Variants in PCSK1 observed in about 807,000 individuals in gnomAD.
PCSK1 encodes the protein neuroendocrine convertase 1.
In PCSK1, 56 loss-of-function variants were observed where a neutral mutation model predicts 90.6. The ratio of observed to expected loss-of-function variants is 0.62; its 90% CI spans 0.50 to 0.77. PCSK1 has a LOEUF of 0.77. PCSK1 is among the 30% of genes least tolerant of loss of function. PCSK1 has a pLI of 0.00. For synonymous variants in PCSK1, 348 were observed against 342.4 expected (o/e 1.02, Z -0.18); for missense variants, 801 against 932.6 (o/e 0.86, Z 1.84).
intron 6 of PCSK1, chr5:96,412,861 C>T (rs1044159381): frequency 1.1e-5 from 8 of 725,256 alleles, no homozygotes; most frequent in South Asian, 8.3e-5. Context: ...AGGAAGTGGC[C>T]GTGATTGTTG....
chr5:96,410,897 G>A lies in PCSK1; in HGVS notation c.972C>T (p.Asp324=), dbSNP rs533603278. Residue 324 remains aspartate (D), a synonymous_variant, in exon 8 of 14, where the codon GAC becomes GAT. Coordinates refer to ENST00000311106, the MANE Select transcript of PCSK1 (RefSeq NM_000439.5). ...GDNCDCDGYT[D]SIYTISISSA... Reference sequence around the variant, plus strand: ...TGCTGATGGAGATGGTGTAGATGCTGTCTGTGTAGCCATCACAGTCACAAT... The same window carrying A: ...TGCTGATGGAGATGGTGTAGATGCTATCTGTGTAGCCATCACAGTCACAAT... 3 of 1,613,940 alleles carry A rather than the reference G, an allele frequency of 1.9e-6. No individual in the cohort carries two copies. Among genetic ancestry groups the A allele is most frequent in the Non-Finnish European group, 2.5e-6 (3 of 1,179,850 alleles).
intron 5 of PCSK1, among the ~76,000 whole-genome samples, chr5:96,419,302 TTAAG>T (rs1367885331): frequency 6.8e-6 from 1 of 146,842 alleles, no homozygotes; most frequent in African/African-American, 2.6e-5. Flanking sequence ...TATATATATA[TTAAG>T]TGAGATATAT....
At chr5:96,413,800 CA>C (rs34702966) in intron 6 of PCSK1, among the ~76,000 whole-genome samples, 26,987 of 105,340 alleles carry the variant, frequency 0.26, 3,382 homozygotes, top group African/African-American at 0.34. Flanking sequence ...GACTCTGTCT[CA>C]AAAAAAAAAA....
At chr5:96,398,364 A>G (rs866545587) in intron 11 of PCSK1, among the ~76,000 whole-genome samples, 17 of 152,300 alleles carry the variant, frequency 1.1e-4, no homozygotes, top group Middle Eastern at 6.8e-3. Flanking sequence ...CCCATCCACT[A>G]TCTTATCTGA....
rs576653933 is a variant in PCSK1 at position 96,433,186 on chromosome 5, C to T, written c.-144G>A. 12 of 785,152 alleles carry T rather than the reference C, an allele frequency of 1.5e-5. No individual in the cohort carries two copies. The highest frequency in any genetic ancestry group is 1.4e-4 in the Admixed American group (7 of 49,834). The allele number at this position is 785,152 out of a possible 1,614,324, so 48.6% of individuals were successfully genotyped here. ...GGTTGCTCTGCGAAGAGCTAGGAGG[C>T]GCGAGAGGAGAGGCTGGGCGGCGGC... On this transcript the variant is annotated 5_prime_UTR_variant, in exon 1 of 14. Transcript: ENST00000311106.
chr5:96,414,997 G>C (rs1159015033), intron 6 of PCSK1, among the ~76,000 whole-genome samples: 1 of 152,120 alleles, frequency 6.6e-6, no homozygotes, highest in Non-Finnish European at 1.5e-5. Context: ...GAGTTTAATG[G>C]GGTTTTATTG....
chr5:96,431,725 G>A (rs1761504501), intron 1 of PCSK1, among the ~76,000 whole-genome samples: 1 of 152,158 alleles, frequency 6.6e-6, no homozygotes, highest in Non-Finnish European at 1.5e-5. Flanking sequence ...GAATTCCCCA[G>A]AGGGTTCGGT....
At chr5:96,401,011 T>C (rs1023661678) in intron 9 of PCSK1, among the ~76,000 whole-genome samples, 3 of 128,770 alleles carry the variant, frequency 2.3e-5, no homozygotes, top group South Asian at 4.9e-4. Context: ...GGCGTGAACC[T>C]GGGAGGCGGA....
chr5:96,426,350 A>G (rs1433138096), intron 2 of PCSK1, among the ~76,000 whole-genome samples: 1 of 152,198 alleles, frequency 6.6e-6, no homozygotes, highest in Non-Finnish European at 1.5e-5. Flanking sequence ...ATGCTTTTAT[A>G]GATTAATTTC....
chr5:96,394,063 G>C (rs1209335067), intron 13 of PCSK1, among the ~76,000 whole-genome samples: 3 of 152,218 alleles, frequency 2.0e-5, no homozygotes, highest in African/African-American at 7.2e-5. Context: ...TAGAATTCAA[G>C]CTGAGGCCTT....
In PCSK1 at chr5:96,431,989, G is replaced by C. The variant is rs952565020; in HGVS notation, c.180+874C>G. ...TAAGCAGTCTCCCACTTAATGTCTT[G>C]ACGCCCACCCACCTCCAACCAGCTA... On this transcript the variant is annotated intron_variant, in intron 1 of 13. Transcript: ENST00000311106. 3.8e-5 allele frequency: 32 copies of C among 842,430 alleles called. No individual in the cohort carries two copies. In the African/African-American group the frequency reaches 4.7e-4, roughly 12 times the overall value. The allele number at this position is 842,430 out of a possible 1,614,324, so 52.2% of individuals were successfully genotyped here. A position where few individuals can be genotyped will look rare whatever the true frequency, so the allele number is the denominator to read the frequency against.
chr5:96,399,917 G>GGGT, intron 10 of PCSK1, 36 bp downstream of exon 10: 1 of 1,468,416 alleles, frequency 6.8e-7, no homozygotes, highest in South Asian at 1.1e-5. Flanking sequence ...TTATGCCATG[G>GGGT]GCACACATGT....
At position 96,411,005 on chromosome 5, in the gene PCSK1, T is replaced by C. The variant is rs757533397; in HGVS notation, c.883-19A>G. 6.4e-7 allele frequency: 1 copy of C among 1,559,100 alleles called. No homozygotes were observed. The highest frequency in any genetic ancestry group is 2.0e-4 in the Middle Eastern group (1 of 4,914). On this transcript the variant is annotated intron_variant, in intron 7 of 13. Transcript: ENST00000311106. The stretch of plus-strand genomic sequence containing the variant: ...GTCTCCCCTAAAGGAAAAGCCAGAA[T>C]GCATATTATCTGTTATCATCTATTG...
At position 96,408,289 on chromosome 5, in the gene PCSK1, G is replaced by A. The variant is rs539542819; in HGVS notation, c.1130C>T (p.Thr377Met). 73 of 1,613,942 alleles carry A rather than the reference G, an allele frequency of 4.5e-5. No individual in the cohort carries two copies. The highest frequency in any genetic ancestry group is 3.3e-4 in the Middle Eastern group (2 of 6,084). ...TGCAGAGGCCGAGGTGCCTGTGTGC[G>A]TCTCCGTGCAGTCATTGTGCAGGTC... is the stretch of plus-strand genomic sequence containing the variant. ...SADLHNDCTE[T>M]HTGTSASAPL... Residue 377 changes from threonine to methionine, a missense_variant, in exon 9 of 14, where the codon ACG becomes ATG. Transcript: ENST00000311106.
At chr5:96,409,459 G>A (rs561141407) in intron 8 of PCSK1, among the ~76,000 whole-genome samples, 28 of 152,290 alleles carry the variant, frequency 1.8e-4, no homozygotes, top group East Asian at 1.9e-4. Flanking sequence ...AAAGGTTTGC[G>A]TAAGAAAAAG....
intron 1 of PCSK1, among the ~76,000 whole-genome samples, chr5:96,429,874 T>C (rs1336242349): frequency 6.6e-6 from 1 of 152,210 alleles, no homozygotes; most frequent in East Asian, 1.9e-4. Context: ...GTGATGCTTC[T>C]ATTTTACACA....
rs1759982968 is a variant in PCSK1 at position 96,392,644 on chromosome 5, AAATT to A, written c.*353_*356del. ...CTCATTCTTTGCAGATTATGTTTTC[AAATT>A]AATTGATATCCCAGGTTTTGCCTTT... On this transcript the variant is annotated 3_prime_UTR_variant, in exon 14 of 14. Transcript: ENST00000311106. The A allele has an allele frequency of 4.3e-6, 1 of 231,488 alleles. No individual in the cohort carries two copies. Among genetic ancestry groups the A allele is most frequent in the Non-Finnish European group, 8.5e-6 (1 of 118,320 alleles). The allele number at this position is 231,488 out of a possible 1,614,324, so 14.3% of individuals were successfully genotyped here. A position where few individuals can be genotyped will look rare whatever the true frequency, so the allele number is the denominator to read the frequency against.
chr5:96,413,800 CAA>C (rs34702966), intron 6 of PCSK1, among the ~76,000 whole-genome samples: 29,938 of 105,526 alleles, frequency 0.28, 4,119 homozygotes, highest in African/African-American at 0.32. Flanking sequence ...GACTCTGTCT[CAA>C]AAAAAAAAAA....
At chr5:96,429,590 A>G (rs1384687415) in intron 1 of PCSK1, among the ~76,000 whole-genome samples, 1 of 151,940 alleles carries the variant, frequency 6.6e-6, no homozygotes, top group African/African-American at 2.4e-5. Context: ...TTTTTTTCTG[A>G]TCCCTTCTCT....
Sources: gnomAD v4.1 joint callset for allele counts (sites outside exome capture counted in the v4.1 genomes callset) on GRCh38, gnomAD v4.1.1 for gene constraint, MANE v1.5 for transcripts, NCBI Gene and HGNC (gene_info 2026-07-23, HGNC 2026-07-21) for gene names.